The following GPC4 variants were observed in gnomAD, a reference collection of about 807,000 sequenced individuals.
GPC4 encodes the protein glypican 4.
A neutral mutation model predicts 35.0 loss-of-function variants in GPC4; 10 were observed. That is an observed-to-expected ratio of 0.29 (90% CI 0.18 to 0.48). GPC4 has a LOEUF of 0.48. Among genes scored for constraint, GPC4 ranks in the 20% least tolerant of loss-of-function variants. The probability of loss-of-function intolerance (pLI) is 0.99; values close to 1 mark genes in which losing one functional copy is unlikely to be tolerated. For missense variants in GPC4, 322 were observed against 451.3 expected, an observed-to-expected ratio of 0.71 and a Z score of 2.60; for synonymous variants, 167 against 170.2, an observed-to-expected ratio of 0.98 and a Z score of 0.15.
chrX:133,394,966 G>A, intron 1 of GPC4, among the ~76,000 whole-genome samples: 1 of 111,657 alleles, frequency 9.0e-6, no homozygotes, highest in Non-Finnish European at 1.9e-5. Flanking sequence ...GCAACAACAA[G>A]AAAATACCTT....
chrX:133,396,266 A>C (rs973469151), intron 1 of GPC4, among the ~76,000 whole-genome samples: 1 of 111,868 alleles, frequency 8.9e-6, no homozygotes, highest in Non-Finnish European at 1.9e-5. Context: ...CAACTCTCTG[A>C]TCACACATCT....
chrX:133,323,460 A>G (rs1309522844), intron 3 of GPC4, among the ~76,000 whole-genome samples: 1 of 112,140 alleles, frequency 8.9e-6, no homozygotes, highest in Admixed American at 9.4e-5. Context: ...TGGCCTGGGC[A>G]GCAGAACAAG....
At chrX:133,390,616 A>G (rs2068715218) in intron 1 of GPC4, among the ~76,000 whole-genome samples, 1 of 112,298 alleles carries the variant, frequency 8.9e-6, no homozygotes, top group Non-Finnish European at 1.9e-5. Context: ...CAGAAAGCTC[A>G]GTTACCCAGA....
At chrX:133,389,028 C>T (rs2068706944) in intron 1 of GPC4, among the ~76,000 whole-genome samples, 1 of 100,356 alleles carries the variant, frequency 1.0e-5, no homozygotes, top group South Asian at 5.0e-4. Flanking sequence ...ACAATCTGAG[C>T]TCACTGCCAC....
At chrX:133,331,278 T>C (rs974001804) in intron 2 of GPC4, among the ~76,000 whole-genome samples, 2 of 111,342 alleles carry the variant, frequency 1.8e-5, no homozygotes, top group African/African-American at 3.3e-5. Flanking sequence ...AGCTAGGCAA[T>C]TGGCTTTAGC....
At chrX:133,359,921 A>G (rs2068559405) in intron 1 of GPC4, among the ~76,000 whole-genome samples, 1 of 110,980 alleles carries the variant, frequency 9.0e-6, no homozygotes, top group African/African-American at 3.3e-5. Context: ...GCGGGGTTCT[A>G]GAAGGGACCC....
intron 1 of GPC4, among the ~76,000 whole-genome samples, chrX:133,362,264 T>C (rs1603081964): frequency 9.5e-6 from 1 of 105,581 alleles, no homozygotes. Context: ...GAAGGAAAAA[T>C]ACAGACAGAG....
intron 1 of GPC4, among the ~76,000 whole-genome samples, chrX:133,352,836 T>G (rs978187932): frequency 1.8e-5 from 2 of 111,604 alleles, no homozygotes; most frequent in African/African-American, 6.5e-5. Context: ...AGGTATTGAT[T>G]AGCCAATTCT....
chrX:133,399,700 T>G (rs998548615), intron 1 of GPC4, among the ~76,000 whole-genome samples: 3 of 111,946 alleles, frequency 2.7e-5, no homozygotes, highest in Non-Finnish European at 5.6e-5. Context: ...TGGGAACTTT[T>G]GCACTAAAAC....
At chrX:133,341,137 C>G (rs1194643369) in intron 1 of GPC4, among the ~76,000 whole-genome samples, 1 of 111,921 alleles carries the variant, frequency 8.9e-6, no homozygotes, top group Admixed American at 9.5e-5. Context: ...ACAAAACTCC[C>G]TCTTCACTGG....
chrX:133,354,723 C>T lies in GPC4; in HGVS notation c.161-15382G>A, dbSNP rs1040215441. On this transcript the variant is annotated intron_variant, in intron 1 of 8. Coordinates refer to ENST00000370828, the MANE Select transcript of GPC4 (RefSeq NM_001448.3). ...AGCTGGGACTACAGGCGCCCGCCAC[C>T]GCGCCCGGCTAATTTTTTGTATTTT... 3.8e-3 allele frequency among the ~76,000 whole-genome samples: 385 copies of T among 102,616 alleles called. 1 individual carries two copies. The highest frequency in any genetic ancestry group is 5.9e-3 in the Non-Finnish European group (293 of 49,587). The allele number at this position is 102,616 out of a possible 115,157, so 89.1% of individuals were successfully genotyped here.
chrX:133,403,532 A>C, intron 1 of GPC4, among the ~76,000 whole-genome samples: 1 of 111,637 alleles, frequency 9.0e-6, no homozygotes, highest in Non-Finnish European at 1.9e-5. Context: ...TTTTAGAAGA[A>C]TAGAGTAAGA....
At position 133,380,479 on chromosome X, in the gene GPC4, A is replaced by C. The variant is rs914009087; in HGVS notation, c.160+34327T>G. ...AATAATATAGCCCCTCTGAATCCAA[A>C]GCGTCTTTAGTGAGGGAATTACAGG... On this transcript the variant is annotated intron_variant, in intron 1 of 8. Transcript: ENST00000370828. Among the ~76,000 whole-genome samples, 9 of 110,135 alleles carry C rather than the reference A, an allele frequency of 8.2e-5. No homozygotes were observed. In the East Asian group the frequency reaches 2.6e-3, roughly 32 times the overall value.
At chrX:133,333,630 G>T (rs2068430357) in intron 2 of GPC4, among the ~76,000 whole-genome samples, 1 of 112,664 alleles carries the variant, frequency 8.9e-6, no homozygotes, top group African/African-American at 3.2e-5. Flanking sequence ...GGAAAGAAAA[G>T]AAAATAGAAT....
intron 1 of GPC4, among the ~76,000 whole-genome samples, chrX:133,341,003 G>GA (rs35779366): frequency 0.053 from 5,853 of 110,849 alleles, 405 homozygotes; most frequent in African/African-American, 0.18. Context: ...AAAAAAAAGG[G>GA]AAAAAAAAGG....
chrX:133,393,498 A>G (rs1424394380), intron 1 of GPC4, among the ~76,000 whole-genome samples: 4 of 109,386 alleles, frequency 3.7e-5, no homozygotes, highest in Non-Finnish European at 3.8e-5. Context: ...AGAGAGAGAA[A>G]AAAAAAAAAA....
At chrX:133,395,546 C>A (rs890557835) in intron 1 of GPC4, among the ~76,000 whole-genome samples, 1 of 111,499 alleles carries the variant, frequency 9.0e-6, no homozygotes, top group Non-Finnish European at 1.9e-5. Flanking sequence ...ATTGCTTGAA[C>A]CCTGGAGGCA....
At chrX:133,365,449 G>A (rs926379592) in intron 1 of GPC4, among the ~76,000 whole-genome samples, 2 of 111,467 alleles carry the variant, frequency 1.8e-5, no homozygotes, top group Non-Finnish European at 3.8e-5. Context: ...GTCTAATGTG[G>A]ATCATGCCAT....
At chrX:133,382,766 C>T (rs1210447666) in intron 1 of GPC4, among the ~76,000 whole-genome samples, 4 of 112,524 alleles carry the variant, frequency 3.6e-5, no homozygotes, top group African/African-American at 9.7e-5. Flanking sequence ...AACAAAAAAA[C>T]AGGCAAAAGG....
Sources: allele counts gnomAD v4.1 joint callset (sites outside exome capture counted in the v4.1 genomes callset), GRCh38; gene constraint gnomAD v4.1.1; transcripts MANE v1.5; gene names NCBI Gene and HGNC (gene_info 2026-07-23, HGNC 2026-07-21).